IMPG2: variants seen among roughly 807,000 people sequenced by gnomAD.
The protein encoded by IMPG2 is interphotoreceptor matrix proteoglycan 2, also known as IPM 200.
In IMPG2, 91 loss-of-function variants were observed where a neutral mutation model predicts 129.2. That is an observed-to-expected ratio of 0.70 (90% CI 0.59 to 0.84). The LOEUF (loss-of-function observed/expected upper bound fraction) is 0.84, where lower values mean the gene tolerates loss of function less well. Ranked by LOEUF, IMPG2 falls within the 40% of genes least tolerant of loss-of-function variation. The pLI is 0.00. For missense variants in IMPG2, 1,430 were observed against 1,461.7 expected, an observed-to-expected ratio of 0.98 and a Z score of 0.35; for synonymous variants, 510 against 517.7, an observed-to-expected ratio of 0.99 and a Z score of 0.20.
intron 3 of IMPG2, among the ~76,000 whole-genome samples, chr3:101,301,071 T>C (rs546325853): frequency 6.6e-6 from 1 of 152,322 alleles, no homozygotes; most frequent in Admixed American, 6.5e-5. Flanking sequence ...AGGAGACGGC[T>C]TGAGGCCTGA....
chr3:101,224,811 T>C lies in IMPG2; in HGVS notation c.*2158A>G, dbSNP rs1315211908. The C allele has an allele frequency of 1.3e-5, 2 of 152,234 alleles. No individual in the cohort carries two copies. Among genetic ancestry groups the C allele is most frequent in the African/African-American group, 2.4e-5 (1 of 41,458 alleles). The allele number at this position is 152,234 out of a possible 1,614,324, so 9.4% of individuals were successfully genotyped here. A position where few individuals can be genotyped will look rare whatever the true frequency, so the allele number is the denominator to read the frequency against. ...TTCATTGGTGTGGAGCAGACATTCATGAAGAGCTAAGTGTTTTGCTCTTGC... is the reference window on the plus strand; with the variant it reads ...TTCATTGGTGTGGAGCAGACATTCACGAAGAGCTAAGTGTTTTGCTCTTGC... On this transcript the variant is annotated 3_prime_UTR_variant, in exon 19 of 19. Coordinates refer to ENST00000193391, the MANE Select transcript of IMPG2 (RefSeq NM_016247.4).
rs549236169 is a variant in IMPG2 at position 101,304,371 on chromosome 3, T to A, written c.335-59A>T. ...CTAACATGCTCTGGGGTTCTTACAA[T>A]GATCATAGACTGATTCGTACAGATT... On this transcript the variant is annotated intron_variant, in intron 2 of 18. Coordinates refer to ENST00000193391, the MANE Select transcript of IMPG2 (RefSeq NM_016247.4). The A allele has an allele frequency of 3.6e-5, 52 of 1,462,064 alleles. 1 individual carries two copies. The South Asian group carries it at 4.7e-4, about 13-fold the overall frequency. The allele number at this position is 1,462,064 out of a possible 1,614,324, so 90.6% of individuals were successfully genotyped here.
intron 4 of IMPG2, among the ~76,000 whole-genome samples, chr3:101,281,935 T>C (rs2107118599): frequency 6.6e-6 from 1 of 152,336 alleles, no homozygotes; most frequent in African/African-American, 2.4e-5. Context: ...ATAGCCATGC[T>C]GATACTTTGA....
At chr3:101,265,008 A>C (rs1706707818) in intron 9 of IMPG2, among the ~76,000 whole-genome samples, 1 of 152,158 alleles carries the variant, frequency 6.6e-6, no homozygotes, top group African/African-American at 2.4e-5. Context: ...AGACCTCTGC[A>C]AGAAAAACTA....
chr3:101,291,568 T>C, intron 3 of IMPG2, 58 bp from the exon 4 acceptor site: 1 of 1,325,150 alleles, frequency 7.5e-7, no homozygotes, highest in Admixed American at 1.7e-5. Context: ...AAGGAGTAAA[T>C]AAAACTTATT....
In IMPG2 at chr3:101,319,716, G is replaced by C; in HGVS notation, c.202C>G (p.Arg68Gly). 1 of 1,613,598 alleles carries C rather than the reference G, an allele frequency of 6.2e-7. No individual in the cohort carries two copies. The highest frequency in any genetic ancestry group is 2.2e-5 in the East Asian group (1 of 44,858). ...AACCACTGTCTTTCAGTTTCTCTGC[G>C]GTCCAGAGGCTGTTTCTTTTTGGTA... ...LATKKKQPLD[R>G]RETERQWLIR... is the part of the protein sequence containing the mutation. The change falls in exon 2 of 19, where the codon CGC becomes GGC. Residue 68 changes from arginine to glycine, a missense_variant. Arg to Gly is a moderately radical substitution (Grantham distance 125). Coordinates refer to ENST00000193391, the MANE Select transcript of IMPG2 (RefSeq NM_016247.4).
chr3:101,242,842 A>G lies in IMPG2; in HGVS notation c.2868T>C (p.Asn956=). 1.2e-6 allele frequency: 2 copies of G among 1,614,098 alleles called. No homozygotes were observed. The highest frequency in any genetic ancestry group is 4.5e-5 in the East Asian group (2 of 44,866). ...TTCGACTGTTCACCACAATGCTGCC[A>G]TTTCTGAAGTTGAGGATTTCTAAGT... ...FQNLEILNFR[N]GSIVVNSRMK... Residue 956 remains asparagine, a synonymous_variant, in exon 14 of 19, where the codon AAT becomes AAC. Transcript: ENST00000193391.
intron 2 of IMPG2, among the ~76,000 whole-genome samples, chr3:101,309,025 C>G (rs1707234061): frequency 6.6e-6 from 1 of 152,174 alleles, no homozygotes; most frequent in South Asian, 2.1e-4. Context: ...TTTGCTAAGA[C>G]ATAGTGAGTC....
At chr3:101,318,494 T>C (rs1233920022) in intron 2 of IMPG2, among the ~76,000 whole-genome samples, 1 of 152,138 alleles carries the variant, frequency 6.6e-6, no homozygotes, top group Non-Finnish European at 1.5e-5. Flanking sequence ...ATATGTGTAA[T>C]AGCTGGTATT....
chr3:101,243,488 T>C (rs1402351860), intron 13 of IMPG2, 41 bp downstream of exon 13: 2 of 1,582,438 alleles, frequency 1.3e-6, no homozygotes, highest in African/African-American at 2.7e-5. Context: ...CGGTCATACA[T>C]GATTATTCAC....
chr3:101,245,479 A>G (rs1302613182), intron 12 of IMPG2, among the ~76,000 whole-genome samples: 1 of 152,152 alleles, frequency 6.6e-6, no homozygotes, highest in Non-Finnish European at 1.5e-5. Context: ...TTTGTTTATT[A>G]CTCCAATATT....
chr3:101,235,047 T>C (rs1354039485), intron 14 of IMPG2, among the ~76,000 whole-genome samples: 1 of 152,192 alleles, frequency 6.6e-6, no homozygotes, highest in Non-Finnish European at 1.5e-5. Flanking sequence ...CTTATACACA[T>C]AGACTGAAGG....
At chr3:101,312,211 A>G (rs926061597) in intron 2 of IMPG2, among the ~76,000 whole-genome samples, 4 of 152,128 alleles carry the variant, frequency 2.6e-5, no homozygotes, top group Admixed American at 6.5e-5. Context: ...ACTTTTGTGC[A>G]TGAAAGATAC....
At chr3:101,296,232 T>C (rs547126224) in intron 3 of IMPG2, among the ~76,000 whole-genome samples, 1 of 152,182 alleles carries the variant, frequency 6.6e-6, no homozygotes. Context: ...TTTTGAGATA[T>C]AGTCCATCAA....
chr3:101,275,993 T>C (rs910710165), intron 5 of IMPG2, among the ~76,000 whole-genome samples: 2 of 152,046 alleles, frequency 1.3e-5, no homozygotes, highest in Non-Finnish European at 1.5e-5. Context: ...CACAAGACAC[T>C]AGGAACACAA....
rs550480130 is a variant in IMPG2, at chr3:101,244,910, G to T, written c.1544-123C>A. The T allele has an allele frequency of 1.7e-5, 14 of 815,504 alleles. No individual in the cohort carries two copies. In the East Asian group the frequency reaches 2.9e-4, roughly 17 times the overall value. 50.5% of individuals were successfully genotyped at this position (815,504 alleles called of 1,614,324 possible). On this transcript the variant is annotated intron_variant, in intron 12 of 18. Transcript: ENST00000193391. ...TTAAGAGGGACAATTGTTGACTTTT[G>T]CTTTTCTATATCTAGCAAACAACAA...
intron 14 of IMPG2, among the ~76,000 whole-genome samples, chr3:101,234,711 G>A (rs1223114930): frequency 6.6e-6 from 1 of 152,182 alleles, no homozygotes; most frequent in Non-Finnish European, 1.5e-5. Flanking sequence ...GTGAGGGATA[G>A]GAGTGTCTAT....
At chr3:101,235,017 C>T (rs1052698754) in intron 14 of IMPG2, among the ~76,000 whole-genome samples, 1 of 152,196 alleles carries the variant, frequency 6.6e-6, no homozygotes, top group African/African-American at 2.4e-5. Context: ...ACAAAAAACT[C>T]ATTTATGTTT....
chr3:101,252,093 G>A (rs1482542450), intron 11 of IMPG2, among the ~76,000 whole-genome samples: 1 of 152,088 alleles, frequency 6.6e-6, no homozygotes, highest in Non-Finnish European at 1.5e-5. Flanking sequence ...ATGAACAAGT[G>A]AGCCCTATTG....
Sources: gnomAD v4.1 joint callset for allele counts (sites outside exome capture counted in the v4.1 genomes callset) on GRCh38, gnomAD v4.1.1 for gene constraint, MANE v1.5 for transcripts, NCBI Gene and HGNC (gene_info 2026-07-23, HGNC 2026-07-21) for gene names.